The following OR51B5 variants were observed in gnomAD, a reference collection of about 807,000 sequenced individuals.
OR51B5 encodes olfactory receptor family 51 subfamily B member 5.
For synonymous variants in OR51B5, 186 were observed against 144.8 expected, an observed-to-expected ratio of 1.28 and a Z score of -2.04; for missense variants, 456 against 374.6, an observed-to-expected ratio of 1.22 and a Z score of -1.79.
rs1393304444 is a variant in OR51B5 at position 5,353,415 on chromosome 11, TA to T, written n.85-6506del. Among the ~76,000 whole-genome samples the T allele has an allele frequency of 3.9e-5, 6 of 152,156 alleles. No individual in the cohort carries two copies. In the East Asian group the frequency reaches 5.8e-4, roughly 15 times the overall value. On this transcript the variant is annotated intron_variant and non_coding_transcript_variant, in intron 1 of 4. Transcript: ENST00000415970. The stretch of plus-strand genomic sequence containing the variant: ...GGGGAACATCAGAGATAAGACTAGA[TA>T]GGGGTGTCTGGCATGTGCAAAATAG...
At chr11:5,342,853 C>T (rs1358810420) in exon 1 of OR51B5, 1 of 1,613,140 alleles carries the variant, frequency 6.2e-7, no homozygotes, top group Non-Finnish European at 8.5e-7. Context: ...AGGCAATGCT[C>T]AGGACAGTCT....
chr11:5,357,664 C>T (rs543993565), intron 1 of OR51B5, among the ~76,000 whole-genome samples: 57 of 151,290 alleles, frequency 3.8e-4, no homozygotes, highest in African/African-American at 1.3e-3. Context: ...ACAGAACTCT[C>T]CACCCCAAAT....
chr11:5,488,028 C>T (rs1163533839), intron 1 of OR51B5, among the ~76,000 whole-genome samples: 2 of 151,934 alleles, frequency 1.3e-5, no homozygotes. Flanking sequence ...AAAGTTAATG[C>T]ATCATTATAT....
At chr11:5,366,348 T>G (rs1263291740) in intron 1 of OR51B5, among the ~76,000 whole-genome samples, 1 of 152,156 alleles carries the variant, frequency 6.6e-6, no homozygotes, top group East Asian at 1.9e-4. Flanking sequence ...GACTCATGCC[T>G]GTAATCCCAG....
intron 1 of OR51B5, among the ~76,000 whole-genome samples, chr11:5,387,042 G>C (rs907780921): frequency 6.6e-6 from 1 of 152,030 alleles, no homozygotes; most frequent in Non-Finnish European, 1.5e-5. Flanking sequence ...CTGGACTAGA[G>C]ATTAATGTCT....
At chr11:5,347,019 C>T (rs960251539), upstream of OR51B5, 3 of 152,180 alleles carry the variant, frequency 2.0e-5, no homozygotes, top group Non-Finnish European at 4.4e-5. Context: ...TGTATTAACT[C>T]CTCCTTAGAG....
intron 1 of OR51B5, among the ~76,000 whole-genome samples, chr11:5,362,152 C>T (rs190296678): frequency 6.6e-6 from 1 of 152,298 alleles, no homozygotes; most frequent in East Asian, 1.9e-4. Context: ...TCACTTCATT[C>T]CATGCTGAGC....
chr11:5,475,646 G>T (rs949313875), intron 1 of OR51B5, among the ~76,000 whole-genome samples: 1 of 152,038 alleles, frequency 6.6e-6, no homozygotes, highest in Admixed American at 6.5e-5. Flanking sequence ...TAACATAAAT[G>T]GAAAAGTATG....
At chr11:5,373,992 C>T (rs867136012) in intron 1 of OR51B5, among the ~76,000 whole-genome samples, 1 of 152,214 alleles carries the variant, frequency 6.6e-6, no homozygotes, top group African/African-American at 2.4e-5. Context: ...TCTCCCAGCA[C>T]ACAGCTGGAG....
chr11:5,436,616 G>C (rs1201124500), intron 1 of OR51B5, among the ~76,000 whole-genome samples: 1 of 152,200 alleles, frequency 6.6e-6, no homozygotes, highest in Non-Finnish European at 1.5e-5. Flanking sequence ...GAGGGTATTT[G>C]AATGAATATT....
intron 1 of OR51B5, among the ~76,000 whole-genome samples, chr11:5,498,600 C>T (rs1350805936): frequency 6.6e-6 from 1 of 152,136 alleles, no homozygotes; most frequent in Non-Finnish European, 1.5e-5. Flanking sequence ...TTCAGTATGT[C>T]TCCTTATATA....
Position 5,342,774 on chromosome 11 carries a change from CAT to C in OR51B5, c.749_750del (p.Tyr250CysfsTer41). The C allele has an allele frequency of 6.2e-7, 1 of 1,613,532 alleles. No individual in the cohort carries two copies. The highest frequency in any genetic ancestry group is 1.7e-4 in the Middle Eastern group (1 of 6,058). The stretch of plus-strand genomic sequence containing the variant: ...ATCAGAGACAATCCAATCACTGTGA[CAT>C]AAAAAACCAGGACACAGCAGATATG... On this transcript the variant is annotated frameshift_variant, in exon 1 of 1. Transcript: ENST00000300773. LOFTEE classifies it low-confidence loss of function (END_TRUNC).
intron 1 of OR51B5, among the ~76,000 whole-genome samples, chr11:5,470,803 C>G (rs10768980): frequency 0.56 from 84,770 of 151,966 alleles, 24,615 homozygotes; most frequent in South Asian, 0.67. Context: ...TTCCAACTGT[C>G]ACTCATCCCT....
At position 5,343,155 on chromosome 11, in the gene OR51B5, T is replaced by C. The variant is rs762999414; in HGVS notation, c.370A>G (p.Ile124Val). 17 of 1,613,852 alleles carry C rather than the reference T, an allele frequency of 1.1e-5. No homozygotes were observed. In the East Asian group the frequency reaches 2.2e-4, roughly 21 times the overall value. ...GAGGTATATCTAAGAGGGTTGCAGA[T>C]GGCAATAAAACGGTCATAGGCCATG... The change falls in exon 1 of 1, where the codon ATC becomes GTC. Residue 124 changes from isoleucine (I) to valine (V), a missense_variant. Physicochemically the swap from Ile to Val is conservative, Grantham distance 29. Transcript: ENST00000300773.
At chr11:5,498,141 C>T (rs1005822661) in intron 1 of OR51B5, among the ~76,000 whole-genome samples, 5 of 152,170 alleles carry the variant, frequency 3.3e-5, no homozygotes, top group African/African-American at 9.7e-5. Flanking sequence ...TAGGATATTC[C>T]ACCAGCAGAA....
intron 1 of OR51B5, among the ~76,000 whole-genome samples, chr11:5,399,149 G>T (rs1329679217): frequency 6.6e-6 from 1 of 152,164 alleles, no homozygotes; most frequent in Non-Finnish European, 1.5e-5. Flanking sequence ...TCTTGAAATA[G>T]TTTTGCCATC....
chr11:5,428,151 T>C (rs576406806), intron 1 of OR51B5, among the ~76,000 whole-genome samples: 6 of 148,676 alleles, frequency 4.0e-5, no homozygotes, highest in African/African-American at 1.5e-4. Context: ...AAAGACATGC[T>C]CAACAAGTAA....
chr11:5,423,197 C>T (rs1453352189), intron 1 of OR51B5: 6 of 1,495,232 alleles, frequency 4.0e-6, no homozygotes, highest in Non-Finnish European at 5.4e-6. Context: ...GAGTCATAGG[C>T]TTAAGGGGGG....
rs867526297 is a variant in OR51B5 at position 5,388,659 on chromosome 11, G to T, written n.85-41749C>A. Among the ~76,000 whole-genome samples, 23 of 150,774 alleles carry T rather than the reference G, an allele frequency of 1.5e-4. 1 individual carries two copies. Among genetic ancestry groups the T allele is most frequent in the South Asian group, 1.5e-3 (7 of 4,706 alleles). On this transcript the variant is annotated intron_variant and non_coding_transcript_variant, in intron 1 of 4. Coordinates refer to the OR51B5 transcript ENST00000415970. ...TATACACGGAGAGAAAATAAGGTAGGGTCTTGAATGTCATTTTAAACCTTT... is the reference window on the plus strand; with the variant it reads ...TATACACGGAGAGAAAATAAGGTAGTGTCTTGAATGTCATTTTAAACCTTT...
Sources: gnomAD v4.1 joint callset for allele counts (sites outside exome capture counted in the v4.1 genomes callset) on GRCh38, gnomAD v4.1.1 for gene constraint, MANE v1.5 for transcripts, NCBI Gene and HGNC (gene_info 2026-07-23, HGNC 2026-07-21) for gene names.